The following ARHGAP26 variants were observed in gnomAD, a reference collection of about 807,000 sequenced individuals.
ARHGAP26 encodes Rho GTPase activating protein 26, also known as rho GTPase-activating protein 26.
A neutral mutation model predicts 104.8 loss-of-function variants in ARHGAP26; 38 were observed. The observed-to-expected ratio is 0.36, with a 90% CI of 0.28 to 0.48. ARHGAP26 has a LOEUF of 0.48. ARHGAP26 is among the 20% of genes least tolerant of loss of function. The pLI, the probability that ARHGAP26 is intolerant of heterozygous loss-of-function variation, is 0.99. For synonymous variants in ARHGAP26, 341 were observed against 340.0 expected (o/e 1.00, Z -0.03); for missense variants, 704 against 947.9 (o/e 0.74, Z 3.38).
chr5:142,809,178 CTT>C (rs918049089), intron 1 of ARHGAP26, among the ~76,000 whole-genome samples: 2 of 152,010 alleles, frequency 1.3e-5, no homozygotes, highest in Non-Finnish European at 2.9e-5. Flanking sequence ...TTTTCAGTGT[CTT>C]TTTTGAATGG....
At chr5:143,048,919 G>GAA (rs79094425) in intron 14 of ARHGAP26, among the ~76,000 whole-genome samples, 131 of 106,134 alleles carry the variant, frequency 1.2e-3, no homozygotes, top group South Asian at 1.5e-3. Context: ...TCTCAAAAAA[G>GAA]AAAAAAAAAA....
At chr5:143,052,476 A>C (rs1785181965) in intron 14 of ARHGAP26, among the ~76,000 whole-genome samples, 1 of 152,112 alleles carries the variant, frequency 6.6e-6, no homozygotes, top group African/African-American at 2.4e-5. Flanking sequence ...CTGAAAAAAA[A>C]AAAGAAAAAA....
At chr5:142,881,971 G>A (rs1161345778) in intron 4 of ARHGAP26, among the ~76,000 whole-genome samples, 1 of 152,192 alleles carries the variant, frequency 6.6e-6, no homozygotes, top group Non-Finnish European at 1.5e-5. Flanking sequence ...TTATGCTAAT[G>A]TGCTACTCTG....
intron 18 of ARHGAP26, among the ~76,000 whole-genome samples, chr5:143,127,324 C>T (rs1796834633): frequency 6.6e-6 from 1 of 152,168 alleles, no homozygotes; most frequent in Non-Finnish European, 1.5e-5. Context: ...GTACATGGAG[C>T]AGGATATGTG....
intron 11 of ARHGAP26, among the ~76,000 whole-genome samples, chr5:142,994,868 C>A (rs1403875321): frequency 2.6e-5 from 4 of 152,142 alleles, no homozygotes; most frequent in African/African-American, 7.2e-5. Flanking sequence ...AGAAATGTCA[C>A]AATGAGAAAA....
At chr5:142,878,625 G>A (rs1050733682) in intron 3 of ARHGAP26, among the ~76,000 whole-genome samples, 2 of 152,120 alleles carry the variant, frequency 1.3e-5, no homozygotes, top group African/African-American at 4.8e-5. Flanking sequence ...GAGTTATGTT[G>A]GTAGTCAGGG....
intron 20 of ARHGAP26, 72 bp from the exon 21 acceptor site, chr5:143,207,126 C>T: frequency 6.4e-7 from 1 of 1,559,416 alleles, no homozygotes; most frequent in East Asian, 2.2e-5. Flanking sequence ...CATCTGGCCT[C>T]CCATGACCTC....
intron 1 of ARHGAP26, chr5:142,771,202 A>G (rs1026732154): frequency 7.8e-7 from 1 of 1,282,222 alleles, no homozygotes; most frequent in Non-Finnish European, 9.8e-7. Context: ...CGTGCGCGGC[A>G]CGCAGGTGTC....
intron 17 of ARHGAP26, among the ~76,000 whole-genome samples, chr5:143,115,289 C>T (rs910190554): frequency 8.6e-5 from 13 of 151,820 alleles, no homozygotes; most frequent in South Asian, 2.1e-4. Context: ...GCCAAGATCA[C>T]GCCATTGCAC....
intron 1 of ARHGAP26, among the ~76,000 whole-genome samples, chr5:142,808,134 C>T (rs1162730457): frequency 4.2e-5 from 6 of 144,358 alleles, no homozygotes; most frequent in Non-Finnish European, 9.0e-5. Context: ...ACTCGGGAGG[C>T]TGAGGCGGGA....
intron 17 of ARHGAP26, among the ~76,000 whole-genome samples, chr5:143,100,786 T>C (rs1793102594): frequency 6.6e-6 from 1 of 152,210 alleles, no homozygotes; most frequent in Non-Finnish European, 1.5e-5. Context: ...TACATGTATC[T>C]CCATTTTCTG....
chr5:143,216,448 C>T (rs258822), intron 22 of ARHGAP26: 160,382 of 364,636 alleles, frequency 0.44, 37,002 homozygotes, highest in East Asian at 0.77. Flanking sequence ...TCTGACCTCA[C>T]GCCCTCACTT....
intron 18 of ARHGAP26, among the ~76,000 whole-genome samples, chr5:143,125,209 G>A (rs1035372717): frequency 2.0e-5 from 3 of 152,192 alleles, no homozygotes; most frequent in Admixed American, 6.5e-5. Context: ...AACTAGCTAA[G>A]GCATACAATC....
chr5:143,060,060 G>T (rs1158307181), intron 17 of ARHGAP26, among the ~76,000 whole-genome samples: 1 of 152,154 alleles, frequency 6.6e-6, no homozygotes, highest in Non-Finnish European at 1.5e-5. Flanking sequence ...CTCATTTACA[G>T]CACTGTCCTT....
At chr5:143,113,510 C>G (rs2150731818) in intron 17 of ARHGAP26, among the ~76,000 whole-genome samples, 1 of 152,256 alleles carries the variant, frequency 6.6e-6, no homozygotes, top group East Asian at 1.9e-4. Context: ...TTTTTCCCTC[C>G]TTTTTAAAAT....
chr5:143,130,059 G>A (rs191732696), intron 18 of ARHGAP26, among the ~76,000 whole-genome samples: 70 of 152,252 alleles, frequency 4.6e-4, no homozygotes, highest in Non-Finnish European at 7.5e-4. Flanking sequence ...TGATGTCAGC[G>A]TCAGTGATGG....
intron 20 of ARHGAP26, among the ~76,000 whole-genome samples, chr5:143,166,598 C>T (rs754232052): frequency 3.8e-4 from 58 of 152,294 alleles, no homozygotes; most frequent in Non-Finnish European, 8.2e-4. Context: ...TGCCATGACC[C>T]CTGACAGCCC....
At chr5:143,154,902 A>C (rs1214490802) in intron 20 of ARHGAP26, among the ~76,000 whole-genome samples, 1 of 152,206 alleles carries the variant, frequency 6.6e-6, no homozygotes, top group Non-Finnish European at 1.5e-5. Flanking sequence ...TTTTATGCCA[A>C]AGGGTTACAC....
intron 17 of ARHGAP26, among the ~76,000 whole-genome samples, chr5:143,088,456 T>C (rs1467077395): frequency 1.3e-5 from 2 of 150,300 alleles, no homozygotes; most frequent in Non-Finnish European, 2.9e-5. Flanking sequence ...ACTCAGGGGT[T>C]TGGACCAAAT....
Sources: gnomAD v4.1 joint callset for allele counts (sites outside exome capture counted in the v4.1 genomes callset) on GRCh38, gnomAD v4.1.1 for gene constraint, MANE v1.5 for transcripts, NCBI Gene and HGNC (gene_info 2026-07-23, HGNC 2026-07-21) for gene names.